The following SYNJ2 variants were observed in gnomAD, a reference collection of about 807,000 sequenced individuals.
SYNJ2 encodes the protein synaptojanin 2, also known as polyphosphatidylinositol phosphatase SYNJ2.
In SYNJ2, 116 loss-of-function variants were observed where a neutral mutation model predicts 141.3. The ratio of observed to expected loss-of-function variants is 0.82; its 90% confidence interval spans 0.71 to 0.96. The LOEUF (loss-of-function observed/expected upper bound fraction) is 0.96, where lower values mean the gene tolerates loss of function less well. Ranked by LOEUF, SYNJ2 falls within the 40% of genes least tolerant of loss-of-function variation. The probability of loss-of-function intolerance (pLI) is 0.00; values close to 1 mark genes in which losing one functional copy is unlikely to be tolerated. For missense variants in SYNJ2, 1,873 were observed against 1,934.8 expected, an observed-to-expected ratio of 0.97 and a Z score of 0.60; for synonymous variants, 745 against 777.7, an observed-to-expected ratio of 0.96 and a Z score of 0.70.
intron 1 of SYNJ2, among the ~76,000 whole-genome samples, chr6:157,996,567 C>G (rs1777640777): frequency 6.6e-6 from 1 of 152,166 alleles, no homozygotes; most frequent in Non-Finnish European, 1.5e-5. Context: ...CTCCCTCCCC[C>G]AGGTGATATG....
intron 5 of SYNJ2, among the ~76,000 whole-genome samples, chr6:158,053,136 C>A (rs2502614): frequency 0.35 from 53,539 of 151,968 alleles, 9,734 homozygotes; most frequent in South Asian, 0.43. Flanking sequence ...TGTATGGATC[C>A]CTGACCAGAA....
At chr6:158,083,233 C>T (rs1377005513) in intron 20 of SYNJ2, among the ~76,000 whole-genome samples, 196 bp from the exon 21 acceptor site, 1 of 152,068 alleles carries the variant, frequency 6.6e-6, no homozygotes, top group Non-Finnish European at 1.5e-5. Flanking sequence ...GCACCCAGCC[C>T]AGTTCAACTT....
chr6:158,074,986 A>G (rs1782184406), intron 16 of SYNJ2, among the ~76,000 whole-genome samples: 1 of 143,296 alleles, frequency 7.0e-6, no homozygotes, highest in Non-Finnish European at 1.5e-5. Context: ...GTTGGAGTGC[A>G]GTGGCACTAT....
chr6:158,009,184 C>T (rs943262647), intron 1 of SYNJ2, among the ~76,000 whole-genome samples: 2 of 152,190 alleles, frequency 1.3e-5, no homozygotes, highest in African/African-American at 4.8e-5. Flanking sequence ...CTATTCATAC[C>T]CTACTCCCTG....
Position 158,043,450 on chromosome 6 carries a change from C to G in SYNJ2, c.795+51C>G, listed in dbSNP as rs761007718. 11 of 1,349,862 alleles carry G rather than the reference C, an allele frequency of 8.1e-6. No homozygotes were observed. The highest frequency in any genetic ancestry group is 6.9e-5 in the East Asian group (3 of 43,390). 83.6% of individuals were successfully genotyped at this position (1,349,862 alleles called of 1,614,324 possible). On this transcript the variant is annotated intron_variant, in intron 5 of 26. Transcript: ENST00000355585. This position sits in a 1 kb window ranked among gnomAD's most constrained non-coding sequence, Gnocchi z 4.0. ...CCCCTTGTGATGTTGTCCGCCCTGCCCTTCCCTTCAATAGCTGGGGAAGAT... is the reference window on the plus strand; with the variant it reads ...CCCCTTGTGATGTTGTCCGCCCTGCGCTTCCCTTCAATAGCTGGGGAAGAT...
intron 4 of SYNJ2, among the ~76,000 whole-genome samples, chr6:158,035,337 T>C (rs960455165): frequency 1.3e-5 from 2 of 152,236 alleles, no homozygotes; most frequent in African/African-American, 4.8e-5. Flanking sequence ...TCCATTTGTG[T>C]CATCTCCAAT....
At chr6:158,054,942 CTG>C in intron 5 of SYNJ2, 23 bp from the exon 6 acceptor site, 1 of 1,612,524 alleles carries the variant, frequency 6.2e-7, no homozygotes, top group Non-Finnish European at 8.5e-7. Flanking sequence ...GGAAGAATCA[CTG>C]TTGTTACTTC....
intron 5 of SYNJ2, among the ~76,000 whole-genome samples, chr6:158,049,314 G>C (rs1041787878): frequency 6.6e-6 from 1 of 152,102 alleles, no homozygotes; most frequent in Non-Finnish European, 1.5e-5. Flanking sequence ...GCTGCAGCTC[G>C]TGCCTGTGGC....
Position 158,043,630 on chromosome 6 carries a change from C to G in SYNJ2, c.795+231C>G, listed in dbSNP as rs1212773852. Among the ~76,000 whole-genome samples the G allele has an allele frequency of 6.6e-6, 1 of 152,184 alleles. No homozygotes were observed. Among genetic ancestry groups the G allele is most frequent in the African/African-American group, 2.4e-5 (1 of 41,452 alleles). ...ACACCACTTTGTTGTTTCTGGTCGT[C>G]AAGGATGCTGTGTGAAACCGCTGAC... On this transcript the variant is annotated intron_variant, in intron 5 of 26. Coordinates refer to ENST00000355585, the MANE Select transcript of SYNJ2 (RefSeq NM_003898.4). This position sits in a 1 kb window ranked among gnomAD's most constrained non-coding sequence, Gnocchi z 4.0.
intron 5 of SYNJ2, among the ~76,000 whole-genome samples, chr6:158,046,858 G>A (rs1780262226): frequency 6.6e-6 from 1 of 152,086 alleles, no homozygotes; most frequent in African/African-American, 2.4e-5. Context: ...GTCTGTGGTT[G>A]ACAACGTTGC....
intron 2 of SYNJ2, among the ~76,000 whole-genome samples, chr6:158,018,598 A>G (rs1381486825): frequency 5.3e-5 from 8 of 152,252 alleles, no homozygotes; most frequent in African/African-American, 1.9e-4. Context: ...TGTGACGATT[A>G]CAGTGATCAT....
At position 158,086,860 on chromosome 6, in the gene SYNJ2, G is replaced by A. The variant is rs201667755; in HGVS notation, c.3214G>A (p.Ala1072Thr). ...KKQHPTYKDD[A>T]DLVELKRELE... The stretch of plus-strand genomic sequence containing the variant: ...TGCCCCGCCATGTCCTCCAGATGAC[G>A]CGGACCTGGTGGAGCTCAAGCGGGA... The change falls in exon 23 of 27, where the codon GCG becomes ACG. Residue 1072 changes from alanine to threonine, a missense_variant. Transcript: ENST00000355585. The A allele has an allele frequency of 2.5e-4, 401 of 1,611,640 alleles. 1 individual carries two copies. The highest frequency in any genetic ancestry group is 3.0e-4 in the Non-Finnish European group (355 of 1,180,022).
intron 5 of SYNJ2, among the ~76,000 whole-genome samples, chr6:158,050,246 G>C (rs1291603016): frequency 1.3e-5 from 2 of 152,250 alleles, no homozygotes; most frequent in Admixed American, 6.5e-5. Flanking sequence ...TGGAGGGCTT[G>C]TTAAAACACA....
rs543927743 is a variant in SYNJ2, at chr6:157,984,930, G to C, written c.127+2842G>C. Among the ~76,000 whole-genome samples, 9 of 152,062 alleles carry C rather than the reference G, an allele frequency of 5.9e-5. No individual in the cohort carries two copies. The East Asian group carries it at 1.7e-3, about 29-fold the overall frequency. On this transcript the variant is annotated intron_variant, in intron 1 of 26. Coordinates refer to ENST00000355585, the MANE Select transcript of SYNJ2 (RefSeq NM_003898.4). ...GACAAGTTGTGGTAACTGCTTCGTG[G>C]GTAGTGGTCTTTCCCGGCCCCTGAG...
In SYNJ2 at chr6:158,093,448, A is replaced by T. The variant is rs199565493; in HGVS notation, c.3744+344A>T. On this transcript the variant is annotated intron_variant, in intron 26 of 26. Coordinates refer to ENST00000355585, the MANE Select transcript of SYNJ2 (RefSeq NM_003898.4). ...GAGACTCCACCTCAAAAAAAAAAAA[A>T]ACAAAAAAAAAAAAACAGATTTGCG... 3.9e-5 allele frequency among the ~76,000 whole-genome samples: 4 copies of T among 103,106 alleles called. No individual in the cohort carries two copies. In the South Asian group the frequency reaches 1.2e-3, roughly 32 times the overall value. The allele number at this position is 103,106 out of a possible 152,430, so 67.6% of individuals were successfully genotyped here. A position where few individuals can be genotyped will look rare whatever the true frequency, so the allele number is the denominator to read the frequency against.
intron 4 of SYNJ2, among the ~76,000 whole-genome samples, chr6:158,041,079 C>G (rs566017095): frequency 2.6e-5 from 4 of 152,178 alleles, no homozygotes; most frequent in Non-Finnish European, 5.9e-5. Flanking sequence ...CTATGCCCCC[C>G]TCATTTACCC....
At chr6:158,002,776 G>A (rs1268836343) in intron 1 of SYNJ2, among the ~76,000 whole-genome samples, 1 of 152,242 alleles carries the variant, frequency 6.6e-6, no homozygotes, top group Non-Finnish European at 1.5e-5. Flanking sequence ...ACACAGCCCA[G>A]CCCTGCCTGT....
At chr6:158,021,469 G>A (rs751039916) in intron 2 of SYNJ2, among the ~76,000 whole-genome samples, 1 of 152,238 alleles carries the variant, frequency 6.6e-6, no homozygotes, top group Non-Finnish European at 1.5e-5. Context: ...CTGGCCACAG[G>A]CAGTTTCTTA....
At chr6:158,050,153 A>C (rs562628236) in intron 5 of SYNJ2, among the ~76,000 whole-genome samples, 2 of 152,322 alleles carry the variant, frequency 1.3e-5, no homozygotes, top group East Asian at 3.9e-4. Flanking sequence ...TTTGTAACCT[A>C]AGCCAAAAGG....
Sources: gnomAD v4.1 joint callset for allele counts (sites outside exome capture counted in the v4.1 genomes callset) on GRCh38, gnomAD v4.1.1 for gene constraint, Gnocchi (gnomAD v3.1) non-coding constraint, MANE v1.5 for transcripts, NCBI Gene and HGNC (gene_info 2026-07-23, HGNC 2026-07-21) for gene names.